Variants in AOAH observed in about 807,000 individuals in gnomAD.
The protein encoded by AOAH is acyloxyacyl hydrolase, also known as acyloxyacyl hydrolase (neutrophil).
In AOAH, 64 loss-of-function variants were observed where a neutral mutation model predicts 92.2. The observed-to-expected ratio is 0.69, with a 90% CI of 0.57 to 0.86. The LOEUF is 0.86. AOAH is among the 40% of genes least tolerant of loss of function. The pLI is 0.00. For missense variants in AOAH, 656 were observed against 694.6 expected, an observed-to-expected ratio of 0.94 and a Z score of 0.62; for synonymous variants, 263 against 254.5, an observed-to-expected ratio of 1.03 and a Z score of -0.32.
At chr7:36,564,495 G>GA (rs988292321) in intron 13 of AOAH, among the ~76,000 whole-genome samples, 11 of 152,222 alleles carry the variant, frequency 7.2e-5, no homozygotes, top group African/African-American at 1.2e-4. Flanking sequence ...GAAGGAAAGT[G>GA]AAAGAGAAGA....
chr7:36,592,138 A>G lies in AOAH; in HGVS notation c.938+2201T>C, dbSNP rs149918414. ...AATTAATTCTTTTTGTTATTGTCAT[A>G]AAAGCCTTGATTGAGAGAAAATTCC... is the stretch of plus-strand genomic sequence containing the variant. On this transcript the variant is annotated intron_variant, in intron 12 of 20. Coordinates refer to ENST00000617537, the MANE Select transcript of AOAH (RefSeq NM_001637.4). 3.7e-3 allele frequency among the ~76,000 whole-genome samples: 566 copies of G among 152,344 alleles called. 3 individuals are homozygous for G. Among genetic ancestry groups the G allele is most frequent in the African/African-American group, 0.013 (523 of 41,572 alleles).
At chr7:36,636,280 A>G (rs1157207667) in intron 5 of AOAH, among the ~76,000 whole-genome samples, 1 of 152,240 alleles carries the variant, frequency 6.6e-6, no homozygotes, top group African/African-American at 2.4e-5. Context: ...ATTGTTCAGT[A>G]GAATTTTTTT....
intron 13 of AOAH, among the ~76,000 whole-genome samples, chr7:36,565,072 T>C (rs1234472140): frequency 6.6e-6 from 1 of 152,248 alleles, no homozygotes; most frequent in Admixed American, 6.5e-5. Context: ...GATTAAACAC[T>C]GTATCTTGGA....
chr7:36,535,934 T>C (rs1256454496), intron 16 of AOAH, among the ~76,000 whole-genome samples: 3 of 152,204 alleles, frequency 2.0e-5, no homozygotes, highest in Non-Finnish European at 2.9e-5. Context: ...TGTCTGGTAA[T>C]TCCTCACAAA....
chr7:36,663,036 C>T (rs1795309898), intron 3 of AOAH, among the ~76,000 whole-genome samples: 1 of 152,190 alleles, frequency 6.6e-6, no homozygotes, highest in Non-Finnish European at 1.5e-5. Flanking sequence ...AAGGCCTAAA[C>T]TACGCCTCAT....
intron 1 of AOAH, among the ~76,000 whole-genome samples, chr7:36,701,387 T>C (rs978620281): frequency 6.6e-6 from 1 of 151,632 alleles, no homozygotes; most frequent in South Asian, 2.1e-4. Context: ...AATTTTCAAC[T>C]CTACTGTTGC....
At chr7:36,603,411 C>T (rs958441523) in intron 11 of AOAH, among the ~76,000 whole-genome samples, 3 of 152,190 alleles carry the variant, frequency 2.0e-5, no homozygotes, top group African/African-American at 7.2e-5. Context: ...GGGTTGGTTA[C>T]ATCTGGACTT....
chr7:36,669,725 T>C (rs1214920441), intron 3 of AOAH, among the ~76,000 whole-genome samples: 5 of 152,200 alleles, frequency 3.3e-5, no homozygotes. Context: ...AGCCATTAAT[T>C]ACATCTAAGG....
chr7:36,513,344 T>G lies in AOAH; in HGVS notation c.1636A>C (p.Lys546Gln), dbSNP rs187957676. The G allele has an allele frequency of 8.5e-5, 138 of 1,614,118 alleles. 1 individual carries two copies. The Middle Eastern group carries it at 1.6e-3, about 19-fold the overall frequency. ...ATTTGGGGCCACTGGAGCTGCACCT[T>G]TTTCCAGAAATGATCCGCCAACAAC... is the stretch of plus-strand genomic sequence containing the variant. ...LLLLADHFWK[K>Q]VQLQWPQILG... The change falls in exon 21 of 21, where the codon AAG becomes CAG. Residue 546 changes from lysine (K) to glutamine (Q), a missense_variant. By Grantham distance (53) the Lys-to-Gln change is moderately conservative (BLOSUM62 1). Transcript: ENST00000617537.
intron 13 of AOAH, among the ~76,000 whole-genome samples, chr7:36,572,318 G>A (rs945426843): frequency 6.6e-6 from 1 of 151,796 alleles, no homozygotes; most frequent in African/African-American, 2.4e-5. Flanking sequence ...TGACAACATA[G>A]CAAGGTCCCT....
At chr7:36,517,215 T>TTTCC (rs1783808489) in intron 20 of AOAH, among the ~76,000 whole-genome samples, 1 of 5,662 alleles carries the variant, frequency 1.8e-4, no homozygotes, top group Non-Finnish European at 5.5e-4. Flanking sequence ...TCTTTCTTTC[T>TTTCC]CTTTCTTTCT....
In AOAH at chr7:36,513,269, C is replaced by T. The variant is rs780432735; in HGVS notation, c.1711G>A (p.Asp571Asn). 1 of 1,614,196 alleles carries T rather than the reference C, an allele frequency of 6.2e-7. No homozygotes were observed. Among genetic ancestry groups the T allele is most frequent in the Non-Finnish European group, 8.5e-7 (1 of 1,180,022 alleles). The change falls in exon 21 of 21, where the codon GAC (aspartate) becomes AAC (asparagine). Residue 571 changes from aspartate (D) to asparagine (N), a missense_variant. Asp to Asn is a conservative substitution (Grantham distance 23). Transcript: ENST00000617537. Reference sequence around the variant, plus strand: ...TGAGAGGCTCAGTGCCCGCCTTGGTCTCCAAACACCTGTTTAATCTGGGGG... The same window carrying T: ...TGAGAGGCTCAGTGCCCGCCTTGGTTTCCAAACACCTGTTTAATCTGGGGG... The part of the protein sequence containing the change: ...FNPQIKQVFG[D>N]QGGH
intron 1 of AOAH, among the ~76,000 whole-genome samples, chr7:36,723,639 G>T (rs1217358337): frequency 2.0e-5 from 3 of 152,164 alleles, no homozygotes; most frequent in Non-Finnish European, 4.4e-5. Flanking sequence ...GTAGGAAATG[G>T]GAGAGAAGGG....
In AOAH at chr7:36,586,256, A is replaced by T. The variant is rs116317823; in HGVS notation, c.938+8083T>A. On this transcript the variant is annotated intron_variant, in intron 12 of 20. Transcript: ENST00000617537. ...TTTCTCTGAAGCAAAACCCATTAAA[A>T]GTTGTACATGCTCACCCAAGCTGAT... 6.8e-3 allele frequency among the ~76,000 whole-genome samples: 1,035 copies of T among 152,284 alleles called. 11 individuals are homozygous for T. Among genetic ancestry groups the T allele is most frequent in the African/African-American group, 0.024 (984 of 41,538 alleles).
intron 10 of AOAH, among the ~76,000 whole-genome samples, chr7:36,617,419 T>C (rs6972425): frequency 0.032 from 4,878 of 152,370 alleles, 272 homozygotes; most frequent in African/African-American, 0.11. Flanking sequence ...AAATATGTAA[T>C]GAGCCTTTAC....
At chr7:36,592,637 T>A (rs28537721) in intron 12 of AOAH, among the ~76,000 whole-genome samples, 1,810 of 152,268 alleles carry the variant, frequency 0.012, 42 homozygotes, top group African/African-American at 0.041. Context: ...CCTACCACTC[T>A]TGGCTGGGCA....
chr7:36,680,557 G>A (rs576902593), intron 2 of AOAH, among the ~76,000 whole-genome samples: 87 of 152,302 alleles, frequency 5.7e-4, no homozygotes, highest in African/African-American at 2.0e-3. Flanking sequence ...CTGTGGGTCA[G>A]GCCTATTATG....
At chr7:36,677,070 A>G (rs1232688305) in intron 2 of AOAH, among the ~76,000 whole-genome samples, 1 of 152,176 alleles carries the variant, frequency 6.6e-6, no homozygotes, top group Non-Finnish European at 1.5e-5. Context: ...AGAAGAAAAA[A>G]AAAACAGAGA....
At chr7:36,585,021 G>T (rs892107424) in intron 12 of AOAH, among the ~76,000 whole-genome samples, 1 of 152,114 alleles carries the variant, frequency 6.6e-6, no homozygotes, top group African/African-American at 2.4e-5. Context: ...GGAAGGTGGA[G>T]CATGAGACAA....
Sources: gnomAD v4.1 joint callset for allele counts (sites outside exome capture counted in the v4.1 genomes callset) on GRCh38, gnomAD v4.1.1 for gene constraint, MANE v1.5 for transcripts, NCBI Gene and HGNC (gene_info 2026-07-23, HGNC 2026-07-21) for gene names.